The following ARFGEF3 variants were observed in gnomAD, a reference collection of about 807,000 sequenced individuals.
ARFGEF3 encodes brefeldin A-inhibited guanine nucleotide-exchange protein 3.
A neutral mutation model predicts 221.7 loss-of-function variants in ARFGEF3; 96 were observed. The ratio of observed to expected loss-of-function variants is 0.43; its 90% confidence interval spans 0.37 to 0.51. The LOEUF (loss-of-function observed/expected upper bound fraction) is 0.51. Ranked by LOEUF, ARFGEF3 falls within the 20% of genes least tolerant of loss-of-function variation. The probability of loss-of-function intolerance (pLI) is 0.00; values close to 1 mark genes in which losing one functional copy is unlikely to be tolerated. For missense variants in ARFGEF3, 2,410 were observed against 2,789.9 expected, an observed-to-expected ratio of 0.86 and a Z score of 3.07; for synonymous variants, 1,145 against 1,126.8, an observed-to-expected ratio of 1.02 and a Z score of -0.32.
chr6:138,202,959 GC>G, intron 2 of ARFGEF3, among the ~76,000 whole-genome samples: 1 of 151,806 alleles, frequency 6.6e-6, no homozygotes, highest in Admixed American at 6.6e-5. Context: ...CTCTTCAAAG[GC>G]AGTCCTAGCA....
At chr6:138,191,023 G>A (rs1479040293) in intron 2 of ARFGEF3, among the ~76,000 whole-genome samples, 1 of 152,026 alleles carries the variant, frequency 6.6e-6, no homozygotes, top group African/African-American at 2.4e-5. Context: ...TTCATGTCTT[G>A]GACTGTGAAA....
At chr6:138,202,877 T>TACACACACACACACATGCAC (rs1454836833) in intron 2 of ARFGEF3, among the ~76,000 whole-genome samples, 5 of 150,352 alleles carry the variant, frequency 3.3e-5, no homozygotes, top group Non-Finnish European at 5.9e-5. Flanking sequence ...CACATACACC[T>TACACACACACACACATGCAC]ACACACACAC....
chr6:138,231,820 C>G (rs923981476), intron 5 of ARFGEF3, among the ~76,000 whole-genome samples: 16 of 152,076 alleles, frequency 1.1e-4, no homozygotes, highest in Admixed American at 9.8e-4. Context: ...GGCTATTTCC[C>G]CAAGGTTCTG....
intron 2 of ARFGEF3, among the ~76,000 whole-genome samples, chr6:138,197,152 T>G (rs1167589292): frequency 6.6e-6 from 1 of 152,160 alleles, no homozygotes; most frequent in Non-Finnish European, 1.5e-5. Context: ...TATTTTTTAA[T>G]TTTTAAACTT....
intron 29 of ARFGEF3, among the ~76,000 whole-genome samples, chr6:138,322,829 A>G (rs1401205290): frequency 6.6e-5 from 10 of 151,260 alleles, no homozygotes; most frequent in Non-Finnish European, 1.2e-4. Context: ...GGATTCTGTC[A>G]TTTACAACAA....
rs1780427220 is a variant in ARFGEF3, at chr6:138,341,338, T to A, written c.*4852T>A. The A allele has an allele frequency of 6.5e-6, 1 of 154,874 alleles. No individual in the cohort carries two copies. The highest frequency in any genetic ancestry group is 2.4e-5 in the African/African-American group (1 of 41,538). The allele number at this position is 154,874 out of a possible 1,614,324, so 9.6% of individuals were successfully genotyped here. On this transcript the variant is annotated 3_prime_UTR_variant, in exon 34 of 34. Coordinates refer to ENST00000251691, the MANE Select transcript of ARFGEF3 (RefSeq NM_020340.5). ...GAAGCAGCTGGTTGGACAGGATTTC[T>A]TGAAGAGCCAGGTGCTAAGGGCATC...
chr6:138,244,371 G>A (rs913355422), intron 7 of ARFGEF3, among the ~76,000 whole-genome samples: 3 of 152,134 alleles, frequency 2.0e-5, no homozygotes, highest in African/African-American at 4.8e-5. Context: ...TTGTAAAGAC[G>A]TTTACAGGTT....
intron 2 of ARFGEF3, among the ~76,000 whole-genome samples, chr6:138,186,170 T>G (rs2114458197): frequency 6.6e-6 from 1 of 152,320 alleles, no homozygotes; most frequent in South Asian, 2.1e-4. Flanking sequence ...CCTTGGGAAA[T>G]GTACTGGGAC....
chr6:138,169,049 G>A (rs1776775237), intron 1 of ARFGEF3, among the ~76,000 whole-genome samples: 1 of 152,188 alleles, frequency 6.6e-6, no homozygotes, highest in South Asian at 2.1e-4. Flanking sequence ...CTCCTCACAA[G>A]CATCCCGGGA....
chr6:138,304,080 A>G (rs1468718113), intron 22 of ARFGEF3, among the ~76,000 whole-genome samples: 1 of 152,160 alleles, frequency 6.6e-6, no homozygotes, highest in African/African-American at 2.4e-5. Context: ...TAATAGCCAG[A>G]AAGTTAGAAA....
In ARFGEF3 at chr6:138,337,836, A is replaced by G. The variant is rs1409308398; in HGVS notation, c.*1350A>G. On this transcript the variant is annotated 3_prime_UTR_variant, in exon 34 of 34. Transcript: ENST00000251691. The stretch of plus-strand genomic sequence containing the variant: ...GATTGAAAACTCCTCAATCAAGCTT[A>G]CTTACACACATTCTACAGAGTTATT... 1 of 152,216 alleles carries G rather than the reference A, an allele frequency of 6.6e-6. No individual in the cohort carries two copies. Among genetic ancestry groups the G allele is most frequent in the Admixed American group, 6.5e-5 (1 of 15,290 alleles). 9.4% of individuals were successfully genotyped at this position (152,216 alleles called of 1,614,324 possible).
intron 2 of ARFGEF3, among the ~76,000 whole-genome samples, chr6:138,188,578 A>G (rs1311120362): frequency 6.6e-6 from 1 of 152,242 alleles, no homozygotes; most frequent in Non-Finnish European, 1.5e-5. Flanking sequence ...ACTGCAGTAA[A>G]GCAGCCAATT....
Position 138,292,043 on chromosome 6 carries a change from C to A in ARFGEF3, c.3358C>A (p.Gln1120Lys). The change falls in exon 19 of 34, where the codon CAA becomes AAA. Residue 1120 changes from glutamine to lysine, a missense_variant. By Grantham distance (53) the Gln-to-Lys change is moderately conservative. Coordinates refer to ENST00000251691, the MANE Select transcript of ARFGEF3 (RefSeq NM_020340.5). ...AAKVVLTLST[Q>K]ADRLFEDATD... ...CAAGGTGGTGCTCACCCTCTCCACG[C>A]AAGCCGACAGGTGCGCGGCGCCGGC... 1.4e-6 allele frequency: 2 copies of A among 1,450,126 alleles called. No individual in the cohort carries two copies. The highest frequency in any genetic ancestry group is 2.5e-5 in the Admixed American group (1 of 39,508). 89.8% of individuals were successfully genotyped at this position (1,450,126 alleles called of 1,614,324 possible). A position where few individuals can be genotyped will look rare whatever the true frequency, so the allele number is the denominator to read the frequency against.
chr6:138,316,306 T>C (rs190984405), intron 26 of ARFGEF3, among the ~76,000 whole-genome samples: 72 of 152,344 alleles, frequency 4.7e-4, no homozygotes, highest in African/African-American at 1.6e-3. Flanking sequence ...AAATTAATCC[T>C]CAACATTGAT....
chr6:138,292,187 T>C (rs1779422538), intron 19 of ARFGEF3, 134 bp downstream of exon 19: 1 of 789,542 alleles, frequency 1.3e-6, no homozygotes, highest in Admixed American at 3.9e-5. Flanking sequence ...TTTTCAAGCT[T>C]AGTTCTCTCT....
At chr6:138,198,414 A>C (rs551531155) in intron 2 of ARFGEF3, among the ~76,000 whole-genome samples, 1 of 152,372 alleles carries the variant, frequency 6.6e-6, no homozygotes, top group East Asian at 1.9e-4. Context: ...TGAAATGGAA[A>C]CATTTTAACT....
intron 17 of ARFGEF3, 113 bp downstream of exon 17, chr6:138,287,297 G>T: frequency 1.3e-6 from 1 of 749,856 alleles, no homozygotes; most frequent in South Asian, 1.6e-5. Flanking sequence ...GTGATGCCCG[G>T]TATGTATACA....
intron 2 of ARFGEF3, among the ~76,000 whole-genome samples, chr6:138,202,752 G>A (rs1368424328): frequency 1.3e-5 from 2 of 151,286 alleles, no homozygotes; most frequent in South Asian, 2.1e-4. Flanking sequence ...TTGCAGATAC[G>A]GTCAGAAGCA....
chr6:138,298,982 G>A (rs948669789), intron 22 of ARFGEF3, among the ~76,000 whole-genome samples, 197 bp downstream of exon 22: 6 of 152,058 alleles, frequency 3.9e-5, no homozygotes, highest in African/African-American at 1.4e-4. Context: ...GGCGGATCAC[G>A]AGGTCAGGAG....
Sources: gnomAD v4.1 joint callset for allele counts (sites outside exome capture counted in the v4.1 genomes callset) on GRCh38, gnomAD v4.1.1 for gene constraint, MANE v1.5 for transcripts, NCBI Gene and HGNC (gene_info 2026-07-23, HGNC 2026-07-21) for gene names.